The following DNAH5 variants were observed in gnomAD, a reference collection of about 807,000 sequenced individuals.
DNAH5 encodes the protein dynein axonemal heavy chain 5, also known as axonemal beta dynein heavy chain 5.
A neutral mutation model predicts 518.2 loss-of-function variants in DNAH5; 372 were observed. That is an observed-to-expected ratio of 0.72 (90% CI 0.66 to 0.78). The LOEUF is 0.78. Among genes scored for constraint, DNAH5 ranks in the 30% least tolerant of loss-of-function variants. DNAH5 has a pLI of 0.00. For synonymous variants in DNAH5, 2,039 were observed against 2,025.9 expected, an observed-to-expected ratio of 1.01 and a Z score of -0.17; for missense variants, 5,523 against 5,687.0, an observed-to-expected ratio of 0.97 and a Z score of 0.93.
intron 12 of DNAH5, 111 bp downstream of exon 12, chr5:13,911,275 C>G: frequency 2.4e-6 from 2 of 834,506 alleles, no homozygotes; most frequent in Non-Finnish European, 4.1e-6. Context: ...TATCGGTCAC[C>G]TCCATGATGA....
At chr5:13,888,608 A>C (rs192887601) in intron 17 of DNAH5, among the ~76,000 whole-genome samples, 1 of 152,376 alleles carries the variant, frequency 6.6e-6, no homozygotes, top group East Asian at 1.9e-4. Flanking sequence ...ATGCAAACTC[A>C]AATTGGGTTC....
At chr5:13,903,611 C>A (rs903218901) in intron 12 of DNAH5, among the ~76,000 whole-genome samples, 3 of 151,714 alleles carry the variant, frequency 2.0e-5, no homozygotes, top group African/African-American at 7.2e-5. Context: ...ATTAAAATCA[C>A]AAAAGGGAGA....
intron 30 of DNAH5, among the ~76,000 whole-genome samples, chr5:13,853,903 T>C (rs1580597263): frequency 6.6e-6 from 1 of 152,124 alleles, no homozygotes; most frequent in East Asian, 1.9e-4. Flanking sequence ...TTGATCGATG[T>C]ACCTAAAAGT....
rs1386267505 is a variant in DNAH5, at chr5:13,725,912, A to G, written c.12033+1595T>C. Among the ~76,000 whole-genome samples the G allele has an allele frequency of 2.0e-5, 3 of 152,150 alleles. No individual in the cohort carries two copies. The East Asian group carries it at 5.8e-4, about 29-fold the overall frequency. The stretch of plus-strand genomic sequence containing the variant: ...CGTGATCCACCTGCCTCAGCCTCCC[A>G]AAGTGCTGGGATTACAGGTGTGAGC... On this transcript the variant is annotated intron_variant, in intron 70 of 78. Coordinates refer to ENST00000265104, the MANE Select transcript of DNAH5 (RefSeq NM_001369.3).
At chr5:13,957,705 A>G (rs1291038383) in intron 1 of DNAH5, among the ~76,000 whole-genome samples, 2 of 151,954 alleles carry the variant, frequency 1.3e-5, no homozygotes, top group Non-Finnish European at 2.9e-5. Flanking sequence ...TGATAGTTAC[A>G]TAGTGAACTC....
intron 1 of DNAH5, among the ~76,000 whole-genome samples, chr5:13,961,597 T>A (rs921036252): frequency 2.0e-5 from 3 of 151,852 alleles, no homozygotes; most frequent in Non-Finnish European, 4.4e-5. Context: ...TGAGCCAAGA[T>A]CACATCACTG....
At chr5:13,990,171 G>A (rs976319602) in intron 1 of DNAH5, among the ~76,000 whole-genome samples, 1 of 151,826 alleles carries the variant, frequency 6.6e-6, no homozygotes, top group Non-Finnish European at 1.5e-5. Context: ...AAGGAAGGAT[G>A]GAAGGAAAGA....
At chr5:13,755,600 G>A (rs1174298297) in intron 61 of DNAH5, among the ~76,000 whole-genome samples, 1 of 152,132 alleles carries the variant, frequency 6.6e-6, no homozygotes, top group Non-Finnish European at 1.5e-5. Flanking sequence ...TCAAAAGCAA[G>A]ATATTTATTC....
chr5:13,958,513 A>G (rs1316669329), intron 1 of DNAH5, among the ~76,000 whole-genome samples: 1 of 152,168 alleles, frequency 6.6e-6, no homozygotes, highest in Non-Finnish European at 1.5e-5. Context: ...CTGGATAAAG[A>G]TAACAGCACA....
rs1318738786 is a variant in DNAH5 at position 13,762,906 on chromosome 5, G to A, written c.10102-5C>T. ...GATTGTGTCTTTTGGGAATTGCTAT[G>A]GAAGAAAAGAGTAAAATAAAGTCGA... On this transcript the variant is annotated splice_polypyrimidine_tract_variant and splice_region_variant and intron_variant, in intron 59 of 78. Transcript: ENST00000265104. 1 of 1,612,498 alleles carries A rather than the reference G, an allele frequency of 6.2e-7. No individual in the cohort carries two copies. The highest frequency in any genetic ancestry group is 1.3e-5 in the African/African-American group (1 of 74,982).
Position 13,913,497 on chromosome 5 carries a change from T to C in DNAH5, c.1536+246A>G, listed in dbSNP as rs112173257. On this transcript the variant is annotated intron_variant, in intron 11 of 78. Coordinates refer to ENST00000265104, the MANE Select transcript of DNAH5 (RefSeq NM_001369.3). ...TTGTGCTACTAATGAAAATGCTTTT[T>C]TAATGGTGATTAATTTTAGACTATT... Among the ~76,000 whole-genome samples the C allele has an allele frequency of 0.023, 3,455 of 152,230 alleles. 82 individuals carry two copies. Among genetic ancestry groups the C allele is most frequent in the African/African-American group, 0.062 (2,588 of 41,550 alleles).
chr5:13,708,107 G>T lies in DNAH5; in HGVS notation c.13338+16C>A. ...TCATAAGTGAACAGGCAGAATAACA[G>T]CAGGCTTATACGTACTTTTTTCCAC... On this transcript the variant is annotated intron_variant, in intron 76 of 78. Coordinates refer to ENST00000265104, the MANE Select transcript of DNAH5 (RefSeq NM_001369.3). 1.2e-6 allele frequency: 2 copies of T among 1,612,412 alleles called. No homozygotes were observed. The highest frequency in any genetic ancestry group is 1.1e-5 in the South Asian group (1 of 90,948).
chr5:13,749,969 G>GA (rs5866063), intron 65 of DNAH5, among the ~76,000 whole-genome samples: 52,135 of 152,020 alleles, frequency 0.34, 9,225 homozygotes, highest in South Asian at 0.5. Context: ...TCAACCATGC[G>GA]ATTTATGAAG....
At position 14,001,127 on chromosome 5, in the gene DNAH5, A is replaced by C. The variant is rs563957951; in HGVS notation, c.12+10521T>G. Among the ~76,000 whole-genome samples, 44 of 152,310 alleles carry C rather than the reference A, an allele frequency of 2.9e-4. 1 individual carries two copies. In the Middle Eastern group the frequency reaches 0.01, roughly 35 times the overall value. On this transcript the variant is annotated intron_variant, in intron 1 of 78. Coordinates refer to the DNAH5 transcript ENST00000681290. ...GAACGTAGAGATGGGAACAACAGAC[A>C]TGGAGGACTACTCGAGGGGAGAGAG...
intron 12 of DNAH5, among the ~76,000 whole-genome samples, chr5:13,902,913 C>T (rs183530439): frequency 3.3e-5 from 5 of 152,154 alleles, no homozygotes; most frequent in African/African-American, 1.2e-4. Context: ...CAAAAGATTC[C>T]TATAGGAAAA....
rs7728871 is a variant in DNAH5 at position 13,807,171 on chromosome 5, A to T, written c.7887+420T>A. Among the ~76,000 whole-genome samples, 1,133 of 152,306 alleles carry T rather than the reference A, an allele frequency of 7.4e-3. 16 individuals are homozygous for T. The highest frequency in any genetic ancestry group is 0.026 in the African/African-American group (1,087 of 41,572). On this transcript the variant is annotated intron_variant, in intron 47 of 78. Transcript: ENST00000265104. ...TTTTGGTACTGTAACAGCCTTTGAG[A>T]CCTGAGCAACAGGGACGCATTAAAG...
At position 13,931,134 on chromosome 5, in the gene DNAH5, C is replaced by A. The variant is rs887537972; in HGVS notation, c.168G>T (p.Glu56Asp). 6.2e-7 allele frequency: 1 copy of A among 1,614,000 alleles called. No homozygotes were observed. Among genetic ancestry groups the A allele is most frequent in the African/African-American group, 1.3e-5 (1 of 74,936 alleles). The change falls in exon 2 of 79, where the codon GAG (glutamate) becomes GAT (aspartate). Residue 56 changes from glutamate to aspartate, a missense_variant. This residue lies in a region of DNAH5 where 5,121 missense variants were observed against 5,223.3 expected (regional missense o/e 0.98). Coordinates refer to ENST00000265104, the MANE Select transcript of DNAH5 (RefSeq NM_001369.3). ...CCTGATTCCCTTCAAGAATGGCATCCTCCACTTCGGTTTTGTTCAGGTCCA... is the reference window on the plus strand; with the variant it reads ...CCTGATTCCCTTCAAGAATGGCATCATCCACTTCGGTTTTGTTCAGGTCCA... ...SCLDLNKTEV[E>D]DAILEGNQIE...
chr5:13,706,862 AC>A (rs1235892101), intron 76 of DNAH5, among the ~76,000 whole-genome samples: 2 of 152,212 alleles, frequency 1.3e-5, no homozygotes, highest in Non-Finnish European at 2.9e-5. Flanking sequence ...ATATAGTGAT[AC>A]CAGAGCAGGG....
intron 17 of DNAH5, 148 bp from the exon 18 acceptor site, chr5:13,886,277 T>C: frequency 6.2e-6 from 5 of 806,760 alleles, no homozygotes; most frequent in Non-Finnish European, 6.0e-6. Context: ...TCCTTCACAA[T>C]AGCACAGGCC....
Sources: allele counts gnomAD v4.1 joint callset (sites outside exome capture counted in the v4.1 genomes callset), GRCh38; gene constraint gnomAD v4.1.1; regional missense constraint gnomAD v4.1.1; transcripts MANE v1.5; gene names NCBI Gene and HGNC (gene_info 2026-07-23, HGNC 2026-07-21).